Variants in RAPGEF6 observed in about 807,000 individuals in gnomAD.
RAPGEF6 encodes the protein Rap guanine nucleotide exchange factor 6, also known as PDZ domain containing guanine nucleotide exchange factor (GEF) 2.
A neutral mutation model predicts 171.4 loss-of-function variants in RAPGEF6; 56 were observed. The observed-to-expected ratio is 0.33, with a 90% CI of 0.26 to 0.41. The LOEUF is 0.41. Among genes scored for constraint, RAPGEF6 ranks in the 10% least tolerant of loss-of-function variants. The pLI is 1.00. For missense variants in RAPGEF6, 1,674 were observed against 1,921.4 expected, an observed-to-expected ratio of 0.87 and a Z score of 2.41; for synonymous variants, 692 against 650.1, an observed-to-expected ratio of 1.06 and a Z score of -0.98.
intron 15 of RAPGEF6, among the ~76,000 whole-genome samples, chr5:131,485,924 C>T (rs1755854173): frequency 1.3e-5 from 2 of 152,112 alleles, no homozygotes; most frequent in African/African-American, 2.4e-5. Context: ...TTAAGAGTGC[C>T]TCATAATCTT....
intron 15 of RAPGEF6, among the ~76,000 whole-genome samples, chr5:131,489,251 T>C (rs73254543): frequency 1.8e-3 from 275 of 152,330 alleles, no homozygotes; most frequent in African/African-American, 6.3e-3. Context: ...GGACATTCTA[T>C]ATTTCATTCA....
intron 5 of RAPGEF6, among the ~76,000 whole-genome samples, chr5:131,558,473 T>A (rs1370386496): frequency 6.6e-6 from 1 of 152,148 alleles, no homozygotes; most frequent in Non-Finnish European, 1.5e-5. Context: ...TTTGCTTTTA[T>A]GCCACTGATA....
intron 11 of RAPGEF6, among the ~76,000 whole-genome samples, chr5:131,500,012 C>T (rs1363967224): frequency 6.6e-6 from 1 of 152,188 alleles, no homozygotes; most frequent in African/African-American, 2.4e-5. Flanking sequence ...AATTCTCCTG[C>T]CTCAGCCTCC....
At position 131,563,240 on chromosome 5, in the gene RAPGEF6, G is replaced by GA. The variant is rs549097620; in HGVS notation, c.282-1194dup. Among the ~76,000 whole-genome samples the GA allele has an allele frequency of 2.7e-4, 41 of 150,128 alleles. No individual in the cohort carries two copies. In the South Asian group the frequency reaches 6.5e-3, roughly 24 times the overall value. The stretch of plus-strand genomic sequence containing the variant: ...AATATTACTCCAAAATAACCAAATG[G>GA]AAAAAAAACATTAATCATTCAAACA... On this transcript the variant is annotated intron_variant, in intron 4 of 27. Coordinates refer to ENST00000509018, the MANE Select transcript of RAPGEF6 (RefSeq NM_016340.6).
intron 4 of RAPGEF6, among the ~76,000 whole-genome samples, chr5:131,567,946 G>A (rs1762048813): frequency 6.6e-6 from 1 of 152,066 alleles, no homozygotes; most frequent in Admixed American, 6.5e-5. Context: ...ACGAAATTTT[G>A]CTTCTGGTCT....
chr5:131,477,816 G>C (rs955009632), intron 16 of RAPGEF6, among the ~76,000 whole-genome samples: 2 of 152,074 alleles, frequency 1.3e-5, no homozygotes, highest in Non-Finnish European at 2.9e-5. Flanking sequence ...ACCCATTAAG[G>C]CTTCTGGAAG....
At chr5:131,446,354 G>T in intron 22 of RAPGEF6, 129 bp downstream of exon 22, 1 of 831,568 alleles carries the variant, frequency 1.2e-6, no homozygotes, top group Non-Finnish European at 1.8e-6. Flanking sequence ...ATCACATGAT[G>T]CTTAAGGTAT....
At chr5:131,466,226 T>C (rs767965887) in intron 17 of RAPGEF6, among the ~76,000 whole-genome samples, 2 of 152,046 alleles carry the variant, frequency 1.3e-5, no homozygotes, top group Non-Finnish European at 2.9e-5. Flanking sequence ...AAGTTGAAAG[T>C]AGAATACTTC....
chr5:131,484,944 TAG>T, intron 15 of RAPGEF6, among the ~76,000 whole-genome samples: 1 of 152,202 alleles, frequency 6.6e-6, no homozygotes, highest in East Asian at 1.9e-4. Flanking sequence ...TTTTTGGGTT[TAG>T]AGACAGAGTC....
intron 27 of RAPGEF6, among the ~76,000 whole-genome samples, chr5:131,428,607 T>C (rs557534571): frequency 5.3e-5 from 8 of 152,092 alleles, no homozygotes; most frequent in African/African-American, 1.9e-4. Flanking sequence ...ATTACAGGCA[T>C]GCGCCATAAT....
intron 27 of RAPGEF6, 51 bp from the exon 28 acceptor site, chr5:131,427,342 T>A: frequency 7.0e-7 from 1 of 1,427,258 alleles, no homozygotes; most frequent in Non-Finnish European, 9.7e-7. Context: ...ATTAATGAGA[T>A]CCTAATAATC....
rs572895325 is a variant in RAPGEF6 at position 131,513,422 on chromosome 5, G to C, written c.628-2931C>G. On this transcript the variant is annotated intron_variant, in intron 7 of 27. Coordinates refer to ENST00000509018, the MANE Select transcript of RAPGEF6 (RefSeq NM_016340.6). ...CACTCTGTCTTCATCTTAATCTAAG[G>C]TTTTCATCCCCTGACCCAGATTATT... Among the ~76,000 whole-genome samples the C allele has an allele frequency of 2.0e-5, 3 of 152,082 alleles. No individual in the cohort carries two copies. The South Asian group carries it at 6.2e-4, about 32-fold the overall frequency.
intron 12 of RAPGEF6, among the ~76,000 whole-genome samples, chr5:131,498,068 C>G (rs186446020): frequency 2.0e-5 from 3 of 152,092 alleles, no homozygotes; most frequent in Non-Finnish European, 2.9e-5. Context: ...AATCTGCCCT[C>G]TTAAAAAAAT....
At chr5:131,489,080 C>G (rs1253062309) in intron 15 of RAPGEF6, among the ~76,000 whole-genome samples, 1 of 152,172 alleles carries the variant, frequency 6.6e-6, no homozygotes, top group Non-Finnish European at 1.5e-5. Flanking sequence ...ATCTGTAATT[C>G]ACTAAGTACT....
chr5:131,518,421 G>A (rs1300150594), intron 7 of RAPGEF6, among the ~76,000 whole-genome samples: 1 of 150,030 alleles, frequency 6.7e-6, no homozygotes, highest in Non-Finnish European at 1.5e-5. Context: ...TTTGGAGACG[G>A]AGTTTCACTC....
chr5:131,485,767 GT>G (rs1281003621), intron 15 of RAPGEF6, among the ~76,000 whole-genome samples: 3 of 152,184 alleles, frequency 2.0e-5, no homozygotes, highest in Non-Finnish European at 4.4e-5. Flanking sequence ...GAAGGGTGGT[GT>G]GTGTTTACTC....
chr5:131,461,676 G>A, intron 19 of RAPGEF6, 29 bp downstream of exon 19: 2 of 1,553,218 alleles, frequency 1.3e-6, no homozygotes, highest in Non-Finnish European at 1.7e-6. Flanking sequence ...AAACCATACA[G>A]ACATTTGTAC....
intron 27 of RAPGEF6, 145 bp from the exon 28 acceptor site, chr5:131,427,436 C>A (rs1751444325): frequency 1.5e-6 from 1 of 660,524 alleles, no homozygotes; most frequent in East Asian, 2.8e-5. Flanking sequence ...ATAATAATAC[C>A]TATGATTTCT....
At chr5:131,469,959 A>G in intron 17 of RAPGEF6, 1 of 553,746 alleles carries the variant, frequency 1.8e-6, no homozygotes, top group Non-Finnish European at 3.1e-6. Context: ...AGACCAATAA[A>G]CATTAATCAA....
Sources: gnomAD v4.1 joint callset for allele counts (sites outside exome capture counted in the v4.1 genomes callset) on GRCh38, gnomAD v4.1.1 for gene constraint, MANE v1.5 for transcripts, NCBI Gene and HGNC (gene_info 2026-07-23, HGNC 2026-07-21) for gene names.